Variants in MGA observed in about 807,000 individuals in gnomAD.
The protein encoded by MGA is MAX dimerization protein MGA.
In MGA, 40 loss-of-function variants were observed where a neutral mutation model predicts 261.1. The observed-to-expected ratio is 0.15, with a 90% confidence interval of 0.12 to 0.20. The LOEUF (loss-of-function observed/expected upper bound fraction) is 0.20, where lower values mean the gene tolerates loss of function less well. MGA is among the 10% of genes least tolerant of loss of function. The pLI, the probability that MGA is intolerant of heterozygous loss-of-function variation, is 1.00. For synonymous variants in MGA, 1,302 were observed against 1,290.6 expected (o/e 1.01, Z -0.19); for missense variants, 3,397 against 3,630.5 (o/e 0.94, Z 1.65).
At chr15:41,700,379 G>C (rs1017163334) in intron 5 of MGA, among the ~76,000 whole-genome samples, 3 of 152,048 alleles carry the variant, frequency 2.0e-5, no homozygotes, top group Admixed American at 1.3e-4. Context: ...GCATGCATTA[G>C]GTGTTTGTCC....
At chr15:41,702,512 T>A (rs990477434) in intron 5 of MGA, among the ~76,000 whole-genome samples, 14 of 152,216 alleles carry the variant, frequency 9.2e-5, no homozygotes, top group Admixed American at 5.2e-4. Flanking sequence ...TTCCTTGTCC[T>A]GCTATTAACT....
intron 1 of MGA, among the ~76,000 whole-genome samples, chr15:41,653,729 G>GA (rs971965208): frequency 2.1e-4 from 29 of 137,882 alleles, no homozygotes; most frequent in African/African-American, 2.9e-4. Flanking sequence ...AAAAAAAAAA[G>GA]AAAAAAAAAA....
intron 11 of MGA, among the ~76,000 whole-genome samples, chr15:41,732,826 G>T (rs2061579510): frequency 6.6e-6 from 1 of 152,188 alleles, no homozygotes; most frequent in Admixed American, 6.5e-5. Context: ...TTGCCTCCTT[G>T]GCAACAGTGT....
chr15:41,678,012 AG>A (rs1351083642), intron 2 of MGA, among the ~76,000 whole-genome samples: 1 of 151,882 alleles, frequency 6.6e-6, no homozygotes, highest in Non-Finnish European at 1.5e-5. Context: ...ATCTAACATT[AG>A]AAAGAGTTTC....
intron 9 of MGA, among the ~76,000 whole-genome samples, chr15:41,722,805 A>G (rs1361430566): frequency 1.3e-5 from 2 of 152,222 alleles, no homozygotes; most frequent in African/African-American, 4.8e-5. Context: ...TGCAACTACT[A>G]TGGACACTGC....
In MGA at chr15:41,766,670, T is replaced by G; in HGVS notation, c.8588T>G (p.Phe2863Cys). ...TTCCCAGGGGATGCTCGGCGGGCTT[T>G]TATTAGTAAGGTTCCTCCTGGAAGC... Residue 2863 changes from phenylalanine to cysteine, a missense_variant, in exon 24 of 24, where the codon TTT (phenylalanine) becomes TGT (cysteine). Phe to Cys is a radical substitution (Grantham distance 205, BLOSUM62 -2). This residue lies in a region of MGA where 647 missense variants were observed against 642.4 expected (regional missense o/e 1.01). Transcript: ENST00000219905. The G allele has an allele frequency of 2.5e-6, 4 of 1,613,934 alleles. No individual in the cohort carries two copies. Among genetic ancestry groups the G allele is most frequent in the Non-Finnish European group, 3.4e-6 (4 of 1,179,872 alleles).
At position 41,743,009 on chromosome 15, in the gene MGA, T is replaced by A. The variant is rs1303969543; in HGVS notation, c.5049T>A (p.Pro1683=). The A allele has an allele frequency of 2.2e-5, 35 of 1,613,884 alleles. No individual in the cohort carries two copies. The highest frequency in any genetic ancestry group is 2.9e-5 in the Non-Finnish European group (34 of 1,179,898). The change falls in exon 15 of 24, where the codon CCT becomes CCA. Residue 1683 remains proline (P), a synonymous_variant. Coordinates refer to ENST00000219905, the MANE Select transcript of MGA (RefSeq NM_001164273.2). ...TTCCTAAGTCTTTGGTAGCATCTCC[T>A]TCAACCATAACTCTTCCTGTTGCTT...
chr15:41,692,487 C>T (rs1809531699), intron 2 of MGA, among the ~76,000 whole-genome samples: 1 of 152,194 alleles, frequency 6.6e-6, no homozygotes, highest in African/African-American at 2.4e-5. Flanking sequence ...TGTATCTTCA[C>T]ACAGTGCAAA....
Position 41,769,937 on chromosome 15 carries a change from A to C in MGA, c.*2657A>C, listed in dbSNP as rs1480750162. 1 of 152,598 alleles carries C rather than the reference A, an allele frequency of 6.6e-6. No homozygotes were observed. The highest frequency in any genetic ancestry group is 1.5e-5 in the Non-Finnish European group (1 of 68,048). 9.5% of individuals were successfully genotyped at this position (152,598 alleles called of 1,614,324 possible). On this transcript the variant is annotated 3_prime_UTR_variant, in exon 24 of 24. Transcript: ENST00000219905. The stretch of plus-strand genomic sequence containing the variant: ...GAAATAAAGCAGTTAAAACAATTAA[A>C]GCAGAACTTGGTGTTGGGAGGTTTG...
At chr15:41,679,757 A>C (rs927058039) in intron 2 of MGA, among the ~76,000 whole-genome samples, 3 of 151,716 alleles carry the variant, frequency 2.0e-5, no homozygotes, top group Non-Finnish European at 2.9e-5. Flanking sequence ...TTTTGTGTGT[A>C]TATGTGGGTT....
At chr15:41,734,940 G>A (rs1267151931) in intron 12 of MGA, among the ~76,000 whole-genome samples, 2 of 151,890 alleles carry the variant, frequency 1.3e-5, no homozygotes, top group Non-Finnish European at 2.9e-5. Flanking sequence ...GCCACCTCTG[G>A]GGAAATCTAG....
At chr15:41,750,798 T>A (rs2062787397) in intron 17 of MGA, 183 bp downstream of exon 17, 1 of 557,064 alleles carries the variant, frequency 1.8e-6, no homozygotes, top group East Asian at 3.0e-5. Flanking sequence ...TTTATTGAGC[T>A]TTTATTCTTT....
chr15:41,758,927 A>G (rs2063296892), intron 19 of MGA, among the ~76,000 whole-genome samples: 2 of 152,220 alleles, frequency 1.3e-5, no homozygotes. Flanking sequence ...TTATAATGTC[A>G]TAATAGTTAA....
chr15:41,638,688 CTTTT>C (rs761492514), intron 1 of MGA, among the ~76,000 whole-genome samples: 2 of 115,650 alleles, frequency 1.7e-5, no homozygotes, highest in Admixed American at 8.7e-5. Context: ...TTTTCTTTTT[CTTTT>C]TTTTTTTTTT....
chr15:41,633,133 T>G (rs1346081928), intron 1 of MGA, among the ~76,000 whole-genome samples: 1 of 151,918 alleles, frequency 6.6e-6, no homozygotes, highest in Non-Finnish European at 1.5e-5. Context: ...GTATTTTTAG[T>G]AGAGACGGGG....
rs148985353 is a variant in MGA at position 41,717,023 on chromosome 15, A to G, written c.3430+3527A>G. Among the ~76,000 whole-genome samples, 90 of 152,274 alleles carry G rather than the reference A, an allele frequency of 5.9e-4. 1 individual carries two copies. The East Asian group carries it at 0.012, about 21-fold the overall frequency. The stretch of plus-strand genomic sequence containing the variant: ...CTATCATTTAAACCTTCAACCTTAT[A>G]TGATAAGGAGGCTTCATTCTCCATT... On this transcript the variant is annotated intron_variant, in intron 9 of 23. Transcript: ENST00000219905.
chr15:41,720,694 A>G (rs972333872), intron 9 of MGA, among the ~76,000 whole-genome samples: 1 of 152,134 alleles, frequency 6.6e-6, no homozygotes, highest in Admixed American at 6.5e-5. Flanking sequence ...TTAGCCGGGC[A>G]TGGTGGTGTG....
At chr15:41,693,870 A>G (rs2059415130) in intron 2 of MGA, among the ~76,000 whole-genome samples, 1 of 152,154 alleles carries the variant, frequency 6.6e-6, no homozygotes, top group African/African-American at 2.4e-5. Context: ...TTCAGTAATA[A>G]AAGTAATGGA....
chr15:41,728,900 T>A (rs976031282), intron 10 of MGA, among the ~76,000 whole-genome samples: 1 of 152,230 alleles, frequency 6.6e-6, no homozygotes, highest in African/African-American at 2.4e-5. Context: ...GATGGACTGG[T>A]AATTAACAAT....
Sources: gnomAD v4.1 joint callset for allele counts (sites outside exome capture counted in the v4.1 genomes callset) on GRCh38, gnomAD v4.1.1 for gene constraint, gnomAD v4.1.1 regional missense constraint, MANE v1.5 for transcripts, NCBI Gene and HGNC (gene_info 2026-07-23, HGNC 2026-07-21) for gene names.